IL36B: variants seen among roughly 807,000 people sequenced by gnomAD.
The protein encoded by IL36B is interleukin 36 beta, also known as interleukin-36 beta.
A neutral mutation model predicts 19.3 loss-of-function variants in IL36B; 23 were observed. The ratio of observed to expected loss-of-function variants is 1.19; its 90% CI spans 0.86 to 1.69. The LOEUF (loss-of-function observed/expected upper bound fraction) is 1.69. IL36B is among the 40% of genes most tolerant of loss of function. The pLI, the probability that IL36B is intolerant of heterozygous loss-of-function variation, is 0.00. For missense variants in IL36B, 217 were observed against 200.5 expected (o/e 1.08, Z -0.50); for synonymous variants, 59 against 59.7 (o/e 0.99, Z 0.05).
chr2:113,048,064 G>A (rs1428832225), intron 1 of IL36B, among the ~76,000 whole-genome samples: 6 of 152,112 alleles, frequency 3.9e-5, no homozygotes, highest in South Asian at 4.1e-4. Flanking sequence ...GACTGAGATC[G>A]TCAGATTGGA....
chr2:113,030,952 G>T (rs1685063699), intron 3 of IL36B, 96 bp downstream of exon 3: 3 of 842,224 alleles, frequency 3.6e-6, no homozygotes, highest in Non-Finnish European at 6.0e-6. Context: ...CCTAGAAGTG[G>T]GTGAGGTCCA....
chr2:113,042,831 G>T (rs1347046206), intron 1 of IL36B, among the ~76,000 whole-genome samples: 2 of 151,990 alleles, frequency 1.3e-5, no homozygotes, highest in Non-Finnish European at 2.9e-5. Flanking sequence ...TGGATCATAG[G>T]GTTGGTATAT....
chr2:113,042,037 G>C lies in IL36B; in HGVS notation c.-57-10271C>G, dbSNP rs111311290. 4.3e-3 allele frequency among the ~76,000 whole-genome samples: 662 copies of C among 152,310 alleles called. 3 individuals are homozygous for C. The highest frequency in any genetic ancestry group is 0.015 in the African/African-American group (634 of 41,566). Reference sequence around the variant, plus strand: ...AAGGACATCTGATATGGAACATCAGGGGAAAGAGAGCAGGACTTCACCTCA... The same window carrying C: ...AAGGACATCTGATATGGAACATCAGCGGAAAGAGAGCAGGACTTCACCTCA... On this transcript the variant is annotated intron_variant, in intron 1 of 5. Coordinates refer to ENST00000259213, the MANE Select transcript of IL36B (RefSeq NM_014438.5).
chr2:113,050,007 G>T (rs62157693), intron 1 of IL36B, among the ~76,000 whole-genome samples: 33,057 of 152,024 alleles, frequency 0.22, 3,995 homozygotes, highest in East Asian at 0.53. Context: ...ACTGTTGGTG[G>T]GAATGTAAAA....
Position 113,031,749 on chromosome 2 carries a change from C to T in IL36B, c.-40G>A. The T allele has an allele frequency of 6.4e-7, 1 of 1,558,282 alleles. No individual in the cohort carries two copies. The highest frequency in any genetic ancestry group is 8.8e-7 in the Non-Finnish European group (1 of 1,131,434). ...CTTTTGTGAAGAGAACAAGATAGAT[C>T]AGATGGTGGTGAGGAGGCTGTTAAC... is the stretch of plus-strand genomic sequence containing the variant. On this transcript the variant is annotated 5_prime_UTR_variant, in exon 2 of 6. Coordinates refer to ENST00000259213, the MANE Select transcript of IL36B (RefSeq NM_014438.5).
At chr2:113,022,857 G>T in intron 5 of IL36B, 1 of 928,818 alleles carries the variant, frequency 1.1e-6, no homozygotes, top group Non-Finnish European at 1.7e-6. Context: ...GGGGCTAAAA[G>T]GGCAGATTCT....
chr2:113,026,699 G>T (rs923277136), intron 4 of IL36B, among the ~76,000 whole-genome samples: 1 of 152,172 alleles, frequency 6.6e-6, no homozygotes, highest in African/African-American at 2.4e-5. Flanking sequence ...GTGGTAGATT[G>T]AATGTACACT....
chr2:113,039,628 G>C (rs1197513692), intron 1 of IL36B, among the ~76,000 whole-genome samples: 1 of 152,014 alleles, frequency 6.6e-6, no homozygotes, highest in Non-Finnish European at 1.5e-5. Context: ...AGCCATAAAG[G>C]GAAGGAGAAA....
At chr2:113,049,367 A>G (rs1318964666) in intron 1 of IL36B, among the ~76,000 whole-genome samples, 1 of 152,162 alleles carries the variant, frequency 6.6e-6, no homozygotes, top group Non-Finnish European at 1.5e-5. Context: ...AACTCAGGGA[A>G]TGGGAGGAAA....
intron 1 of IL36B, among the ~76,000 whole-genome samples, chr2:113,032,987 GGTCTTCCTTGGAGGCAGAGGTGT>G (rs1197658060): frequency 5.3e-5 from 8 of 152,176 alleles, no homozygotes; most frequent in African/African-American, 1.4e-4. Context: ...TGCCTTTACT[GGTCTTCCTTGGAGGCAGAGGTGT>G]GTCTCCCTTG....
In IL36B at chr2:113,037,260, G is replaced by A. The variant is rs143878939; in HGVS notation, c.-57-5494C>T. The stretch of plus-strand genomic sequence containing the variant: ...GTTCCCAGCATAAAGTCACTTTCCT[G>A]TTACTTGGAGTTCAATGATACTCCT... On this transcript the variant is annotated intron_variant, in intron 1 of 5. Transcript: ENST00000259213. Among the ~76,000 whole-genome samples the A allele has an allele frequency of 3.6e-3, 546 of 152,324 alleles. 1 individual carries two copies. Among genetic ancestry groups the A allele is most frequent in the Middle Eastern group, 6.8e-3 (2 of 294 alleles).
At chr2:113,037,908 T>C (rs757195914) in intron 1 of IL36B, among the ~76,000 whole-genome samples, 5 of 152,204 alleles carry the variant, frequency 3.3e-5, no homozygotes, top group Non-Finnish European at 7.3e-5. Context: ...ATTAAAGAAG[T>C]GGGTGGCTGA....
At chr2:113,044,793 T>C (rs1452638833) in intron 1 of IL36B, among the ~76,000 whole-genome samples, 1 of 152,186 alleles carries the variant, frequency 6.6e-6, no homozygotes, top group Admixed American at 6.5e-5. Flanking sequence ...TGTTCCATTT[T>C]TTCCTGAGTC....
intron 1 of IL36B, among the ~76,000 whole-genome samples, chr2:113,050,775 A>T (rs894716909): frequency 7.2e-5 from 11 of 152,250 alleles, no homozygotes; most frequent in African/African-American, 2.7e-4. Flanking sequence ...CACGAAAGCC[A>T]CACATCACTG....
chr2:113,029,755 T>C (rs1369943546), intron 3 of IL36B, among the ~76,000 whole-genome samples: 1 of 152,086 alleles, frequency 6.6e-6, no homozygotes, highest in African/African-American at 2.4e-5. Context: ...GCAGAGTGAA[T>C]GAGTGTAGGG....
chr2:113,031,195 A>G, intron 2 of IL36B, 40 bp from the exon 3 acceptor site: 3 of 1,395,838 alleles, frequency 2.1e-6, no homozygotes, highest in Non-Finnish European at 3.1e-6. Context: ...ACGTGAGGTT[A>G]TCAACTTCAG....
chr2:113,027,678 T>A, intron 4 of IL36B: 1 of 1,380,690 alleles, frequency 7.2e-7, no homozygotes, highest in Non-Finnish European at 9.4e-7. Context: ...CAAGAAAGAA[T>A]GGAAAGTGAT....
chr2:113,022,294 C>A lies in IL36B; in HGVS notation c.*380G>T. The A allele has an allele frequency of 6.1e-6, 1 of 163,300 alleles. No individual in the cohort carries two copies. Among genetic ancestry groups the A allele is most frequent in the Non-Finnish European group, 1.3e-5 (1 of 75,378 alleles). 10.1% of individuals were successfully genotyped at this position (163,300 alleles called of 1,614,324 possible). On this transcript the variant is annotated 3_prime_UTR_variant, in exon 6 of 6. Coordinates refer to ENST00000259213, the MANE Select transcript of IL36B (RefSeq NM_014438.5). The stretch of plus-strand genomic sequence containing the variant: ...TGCTGTTTCTTCCATAGGACTTAAC[C>A]CCTGTACATCAGGAAAAGAAATAAC...
chr2:113,031,815 C>T, intron 1 of IL36B, 49 bp from the exon 2 acceptor site: 1 of 875,140 alleles, frequency 1.1e-6, no homozygotes, highest in South Asian at 1.5e-5. Context: ...ACATGTTATG[C>T]TTTTTTCTCC....
Sources: gnomAD v4.1 joint callset for allele counts (sites outside exome capture counted in the v4.1 genomes callset) on GRCh38, gnomAD v4.1.1 for gene constraint, MANE v1.5 for transcripts, NCBI Gene and HGNC (gene_info 2026-07-23, HGNC 2026-07-21) for gene names.